PANX1: variants seen among roughly 807,000 people sequenced by gnomAD.
The protein encoded by PANX1 is pannexin 1.
PANX1 carries 30 observed loss-of-function variants against 38.7 expected under a neutral mutation model. The observed-to-expected ratio is 0.78, with a 90% confidence interval of 0.58 to 1.05. The LOEUF (loss-of-function observed/expected upper bound fraction) is 1.05. PANX1 is among the 50% of genes least tolerant of loss of function. PANX1 has a pLI of 0.00. For synonymous variants in PANX1, 230 were observed against 212.2 expected, an observed-to-expected ratio of 1.08 and a Z score of -0.73; for missense variants, 551 against 517.2, an observed-to-expected ratio of 1.07 and a Z score of -0.63.
intron 1 of PANX1, among the ~76,000 whole-genome samples, chr11:94,129,750 A>C (rs1173984014): frequency 6.6e-6 from 1 of 152,064 alleles, no homozygotes; most frequent in Non-Finnish European, 1.5e-5. Flanking sequence ...TGTGGCTTAT[A>C]GTTTATGTTC....
At position 94,180,841 on chromosome 11, in the gene PANX1, G is replaced by C. The variant is rs368311655; in HGVS notation, c.1253G>C (p.Arg418Pro). The C allele has an allele frequency of 1.3e-6, 2 of 1,591,762 alleles. No individual in the cohort carries two copies. Among genetic ancestry groups the C allele is most frequent in the Non-Finnish European group, 1.7e-6 (2 of 1,159,694 alleles). ...GCAAATAATGGAGAGAAGAATGCCC[G>C]ACAGAGACTTCTGGATTCTTCTTGC... The part of the protein sequence containing the change: ...TKANNGEKNA[R>P]QRLLDSSC The change falls in exon 5 of 5, where the codon CGA (arginine) becomes CCA (proline). Residue 418 changes from arginine (R) to proline (P), a missense_variant. Arg to Pro is a moderately radical substitution (Grantham distance 103). Coordinates refer to ENST00000227638, the MANE Select transcript of PANX1 (RefSeq NM_015368.4).
At chr11:94,166,070 C>T (rs943065963) in intron 2 of PANX1, among the ~76,000 whole-genome samples, 7 of 152,250 alleles carry the variant, frequency 4.6e-5, no homozygotes, top group East Asian at 1.9e-4. Flanking sequence ...ATCCCCCCCT[C>T]GCTTTCGACT....
chr11:94,140,012 C>G (rs1391538487), intron 1 of PANX1, among the ~76,000 whole-genome samples: 1 of 152,210 alleles, frequency 6.6e-6, no homozygotes, highest in Non-Finnish European at 1.5e-5. Flanking sequence ...TCTATTACTG[C>G]TGTTCTTGTA....
intron 2 of PANX1, among the ~76,000 whole-genome samples, chr11:94,173,071 C>CT: frequency 6.6e-6 from 1 of 151,902 alleles, no homozygotes; most frequent in Admixed American, 6.5e-5. Flanking sequence ...TTGACTCCCG[C>CT]TGTCTAGGAT....
chr11:94,175,349 A>C (rs967669429), intron 2 of PANX1, among the ~76,000 whole-genome samples: 5 of 151,688 alleles, frequency 3.3e-5, no homozygotes, highest in Admixed American at 3.3e-4. Flanking sequence ...TCAAGGTACA[A>C]GGCTATTTTA....
At chr11:94,173,119 C>T (rs951829827) in intron 2 of PANX1, among the ~76,000 whole-genome samples, 1 of 151,762 alleles carries the variant, frequency 6.6e-6, no homozygotes, top group African/African-American at 2.4e-5. Flanking sequence ...AGCATATAGC[C>T]AGAACAGACA....
intron 1 of PANX1, among the ~76,000 whole-genome samples, chr11:94,143,029 A>G (rs1946781708): frequency 6.6e-6 from 1 of 152,264 alleles, no homozygotes; most frequent in Non-Finnish European, 1.5e-5. Flanking sequence ...CTTGTTTGCA[A>G]AGAGATCTCA....
chr11:94,163,013 C>T (rs1947064622), intron 2 of PANX1, among the ~76,000 whole-genome samples: 1 of 151,922 alleles, frequency 6.6e-6, no homozygotes, highest in African/African-American at 2.4e-5. Context: ...GCTGGGACTA[C>T]AGGCATGCAC....
At chr11:94,159,234 C>T (rs1328599464) in intron 2 of PANX1, among the ~76,000 whole-genome samples, 1 of 152,086 alleles carries the variant, frequency 6.6e-6, no homozygotes, top group African/African-American at 2.4e-5. Flanking sequence ...GTGTCTCTGC[C>T]AGGCTTTGGT....
At chr11:94,163,268 G>A (rs1296169468) in intron 2 of PANX1, among the ~76,000 whole-genome samples, 1 of 152,142 alleles carries the variant, frequency 6.6e-6, no homozygotes. Flanking sequence ...GCAAATCAGG[G>A]AATGAAAGTG....
At chr11:94,156,946 A>G (rs1468026765) in intron 2 of PANX1, among the ~76,000 whole-genome samples, 1 of 151,324 alleles carries the variant, frequency 6.6e-6, no homozygotes, top group Admixed American at 6.6e-5. Context: ...GTCGTTGTTC[A>G]ATTCCCAACT....
Position 94,179,589 on chromosome 11 carries a change from CTTTATTT to C in PANX1, c.546-8_546-2del. On this transcript the variant is annotated splice_polypyrimidine_tract_variant and splice_region_variant and intron_variant, in intron 3 of 4. Transcript: ENST00000227638. ...TGAGTGCCTAAGTTATTTTTGTTTC[CTTTATTT>C]TTTAGTTTGTGGGAGGTATCTGAAA... is the stretch of plus-strand genomic sequence containing the variant. The C allele has an allele frequency of 6.2e-7, 1 of 1,605,106 alleles. No homozygotes were observed. Among genetic ancestry groups the C allele is most frequent in the Non-Finnish European group, 8.5e-7 (1 of 1,173,180 alleles).
intron 2 of PANX1, among the ~76,000 whole-genome samples, chr11:94,170,920 C>T (rs1229446597): frequency 6.6e-6 from 1 of 151,642 alleles, no homozygotes; most frequent in African/African-American, 2.4e-5. Context: ...CCAGGAGTTC[C>T]TTAGTTCAGC....
chr11:94,153,779 A>C (rs1398718477), intron 2 of PANX1, 149 bp downstream of exon 2: 5 of 689,440 alleles, frequency 7.3e-6, no homozygotes, highest in Non-Finnish European at 9.4e-6. Flanking sequence ...ATAGTCAAAA[A>C]GAACCTCAGA....
At chr11:94,159,795 C>A (rs1336964475) in intron 2 of PANX1, among the ~76,000 whole-genome samples, 1 of 151,516 alleles carries the variant, frequency 6.6e-6, no homozygotes, top group East Asian at 1.9e-4. Context: ...GCTCTTGCTT[C>A]TCTAGTTCTT....
chr11:94,174,602 C>G (rs766837755), intron 2 of PANX1, among the ~76,000 whole-genome samples: 2 of 151,608 alleles, frequency 1.3e-5, no homozygotes, highest in Non-Finnish European at 2.9e-5. Context: ...GCTTGTGTTC[C>G]CATCTGTCCT....
At chr11:94,152,089 G>A (rs1461487775) in intron 1 of PANX1, among the ~76,000 whole-genome samples, 10 of 137,400 alleles carry the variant, frequency 7.3e-5, no homozygotes, top group Non-Finnish European at 1.5e-4. Context: ...ATCCAGCTCC[G>A]TAACTTCCCA....
chr11:94,141,242 G>C (rs1946758712), intron 1 of PANX1, among the ~76,000 whole-genome samples: 1 of 152,200 alleles, frequency 6.6e-6, no homozygotes, highest in Admixed American at 6.5e-5. Flanking sequence ...CAGAATACCA[G>C]TTTACACTCC....
At chr11:94,158,761 C>T (rs959516604) in intron 2 of PANX1, among the ~76,000 whole-genome samples, 5 of 152,142 alleles carry the variant, frequency 3.3e-5, no homozygotes, top group African/African-American at 9.7e-5. Context: ...GCCTGATTGC[C>T]CTGGCCAGAA....
Sources: gnomAD v4.1 joint callset for allele counts (sites outside exome capture counted in the v4.1 genomes callset) on GRCh38, gnomAD v4.1.1 for gene constraint, MANE v1.5 for transcripts, NCBI Gene and HGNC (gene_info 2026-07-23, HGNC 2026-07-21) for gene names.